Variants in ANKRD29 observed in about 807,000 individuals in gnomAD.
The protein encoded by ANKRD29 is ankyrin repeat domain-containing protein 29.
ANKRD29 carries 32 observed loss-of-function variants against 38.0 expected under a neutral mutation model. That is an observed-to-expected ratio of 0.84 (90% confidence interval 0.64 to 1.13). The LOEUF (loss-of-function observed/expected upper bound fraction) is 1.13. Ranked by LOEUF, ANKRD29 falls within the 50% of genes most tolerant of loss-of-function variation. The pLI is 0.00. For synonymous variants in ANKRD29, 135 were observed against 152.4 expected, an observed-to-expected ratio of 0.89 and a Z score of 0.84; for missense variants, 357 against 377.9, an observed-to-expected ratio of 0.94 and a Z score of 0.46.
At chr18:23,635,731 C>A (rs150663087) in intron 4 of ANKRD29, among the ~76,000 whole-genome samples, 1 of 152,280 alleles carries the variant, frequency 6.6e-6, no homozygotes, top group Non-Finnish European at 1.5e-5. Flanking sequence ...CAGAAATATG[C>A]CTTTTGACCA....
chr18:23,649,195 T>C lies in ANKRD29; in HGVS notation c.22-2A>G, dbSNP rs1258745327. 3.7e-6 allele frequency: 6 copies of C among 1,610,968 alleles called. No individual in the cohort carries two copies. The highest frequency in any genetic ancestry group is 5.1e-6 in the Non-Finnish European group (6 of 1,178,264). The stretch of plus-strand genomic sequence containing the variant: ...AGCATTGGCAAGTGGAGTTTCCTTC[T>C]GCAAGAACAAAATGAAACAGGATCT... On this transcript the variant is annotated splice_acceptor_variant, in intron 1 of 9. Coordinates refer to ENST00000592179, the MANE Select transcript of ANKRD29 (RefSeq NM_173505.4). LOFTEE classifies it high-confidence loss of function.
intron 8 of ANKRD29, among the ~76,000 whole-genome samples, chr18:23,612,915 T>C: frequency 6.6e-6 from 1 of 152,010 alleles, no homozygotes. Context: ...TAAGACATGG[T>C]TCTAGAGGGT....
intron 3 of ANKRD29, among the ~76,000 whole-genome samples, chr18:23,641,351 G>A (rs949573509): frequency 6.6e-6 from 1 of 152,232 alleles, no homozygotes; most frequent in Non-Finnish European, 1.5e-5. Context: ...CCACAGGCTT[G>A]GAAGTGCCTG....
intron 9 of ANKRD29, among the ~76,000 whole-genome samples, chr18:23,604,422 T>C (rs1297447601): frequency 6.6e-6 from 1 of 152,218 alleles, no homozygotes; most frequent in Non-Finnish European, 1.5e-5. Flanking sequence ...AGCCTGTTTT[T>C]ATTTTTTTCT....
At chr18:23,601,579 A>G (rs993755586) in intron 9 of ANKRD29, among the ~76,000 whole-genome samples, 19 of 152,324 alleles carry the variant, frequency 1.2e-4, no homozygotes, top group African/African-American at 4.3e-4. Flanking sequence ...CTAATTAATC[A>G]TTGTATCCTT....
intron 1 of ANKRD29, 129 bp from the exon 2 acceptor site, chr18:23,649,322 T>C: frequency 1.3e-6 from 1 of 756,044 alleles, no homozygotes; most frequent in South Asian, 1.7e-5. Flanking sequence ...AGATTGATCC[T>C]CCAGCAATAG....
chr18:23,623,996 AAAGT>A (rs1438549234), intron 6 of ANKRD29, among the ~76,000 whole-genome samples: 1 of 152,068 alleles, frequency 6.6e-6, no homozygotes, highest in Non-Finnish European at 1.5e-5. Context: ...AAAATGATGA[AAAGT>A]AAGTCAATTT....
At chr18:23,619,708 G>A in intron 6 of ANKRD29, 79 bp from the exon 7 acceptor site, 1 of 1,280,468 alleles carries the variant, frequency 7.8e-7, no homozygotes. Context: ...TAACACCAGG[G>A]GTCTGAAAGC....
chr18:23,615,992 T>G (rs536777371), intron 8 of ANKRD29, among the ~76,000 whole-genome samples: 1 of 150,122 alleles, frequency 6.7e-6, no homozygotes, highest in Non-Finnish European at 1.5e-5. Flanking sequence ...GTATGCATAC[T>G]CTACACATAC....
At chr18:23,615,087 T>C (rs1375367777) in intron 8 of ANKRD29, among the ~76,000 whole-genome samples, 2 of 152,190 alleles carry the variant, frequency 1.3e-5, no homozygotes, top group Non-Finnish European at 2.9e-5. Context: ...AAAGATACAA[T>C]CACAGCTCAC....
At chr18:23,643,891 C>G (rs146359032) in intron 3 of ANKRD29, among the ~76,000 whole-genome samples, 40 of 152,308 alleles carry the variant, frequency 2.6e-4, no homozygotes, top group African/African-American at 8.7e-4. Flanking sequence ...TGGATCAAGG[C>G]AGAAGTCTGC....
intron 9 of ANKRD29, among the ~76,000 whole-genome samples, chr18:23,608,584 C>T (rs377129285): frequency 6.6e-6 from 1 of 152,140 alleles, no homozygotes; most frequent in Non-Finnish European, 1.5e-5. Context: ...CCTGTGAAAC[C>T]GCCTTTGCAA....
chr18:23,646,245 T>C lies in ANKRD29; in HGVS notation c.175A>G (p.Ile59Val), dbSNP rs1175744546. The stretch of plus-strand genomic sequence containing the variant: ...AGAACCAGTTCCCTCACACAGTCTA[T>C]GTGGCCAGCGTAGGCAGCAACCATC... ...LLMVAAYAGH[I>V]DCVRELVLQG... Residue 59 changes from isoleucine (I) to valine (V), a missense_variant, in exon 3 of 10, where the codon ATA (isoleucine) becomes GTA (valine). Coordinates refer to ENST00000592179, the MANE Select transcript of ANKRD29 (RefSeq NM_173505.4). 6 of 1,614,014 alleles carry C rather than the reference T, an allele frequency of 3.7e-6. No homozygotes were observed. The highest frequency in any genetic ancestry group is 5.1e-6 in the Non-Finnish European group (6 of 1,180,022).
chr18:23,633,691 C>T (rs2059962745), intron 5 of ANKRD29, among the ~76,000 whole-genome samples: 1 of 152,082 alleles, frequency 6.6e-6, no homozygotes, highest in South Asian at 2.1e-4. Context: ...CTGCCTCAGC[C>T]TCCTGAGTAG....
intron 1 of ANKRD29, chr18:23,649,448 T>C: frequency 1.5e-6 from 1 of 679,602 alleles, no homozygotes; most frequent in Non-Finnish European, 2.7e-6. Flanking sequence ...TTCCCACTAA[T>C]GTTCTCACTT....
chr18:23,619,458 A>G (rs1461030908), intron 7 of ANKRD29, 73 bp downstream of exon 7: 31 of 1,392,446 alleles, frequency 2.2e-5, no homozygotes, highest in Non-Finnish European at 2.8e-5. Context: ...CTGCAGACTC[A>G]GTCAAGACCC....
chr18:23,617,751 G>A lies in ANKRD29; in HGVS notation c.704C>T (p.Pro235Leu), dbSNP rs1416891686. The A allele has an allele frequency of 9.3e-6, 15 of 1,613,652 alleles. No homozygotes were observed. Among genetic ancestry groups the A allele is most frequent in the Non-Finnish European group, 1.3e-5 (15 of 1,179,730 alleles). The change falls in exon 8 of 10, where the codon CCC becomes CTC. Residue 235 changes from proline to leucine, a missense_variant. Coordinates refer to ENST00000592179, the MANE Select transcript of ANKRD29 (RefSeq NM_173505.4). ...TCTTACCTTCAAAATACCAAGAGTGGGTGAGAATTTAAGCAACTCTTTTAT... is the reference window on the plus strand; with the variant it reads ...TCTTACCTTCAAAATACCAAGAGTGAGTGAGAATTTAAGCAACTCTTTTAT... ...DVIKELLKFS[P>L]TLGILKNGTS...
intron 9 of ANKRD29, among the ~76,000 whole-genome samples, chr18:23,604,782 G>A (rs2059555292): frequency 6.6e-6 from 1 of 152,076 alleles, no homozygotes; most frequent in Admixed American, 6.6e-5. Context: ...ACCTGCCTCA[G>A]CCTCCCAAAG....
At chr18:23,601,339 A>G in intron 9 of ANKRD29, 30 bp from the exon 10 acceptor site, 1 of 1,597,388 alleles carries the variant, frequency 6.3e-7, no homozygotes, top group Non-Finnish European at 8.6e-7. Flanking sequence ...GCATTAGTGA[A>G]TCCCCATAGC....
Sources: gnomAD v4.1 joint callset for allele counts (sites outside exome capture counted in the v4.1 genomes callset) on GRCh38, gnomAD v4.1.1 for gene constraint, MANE v1.5 for transcripts, NCBI Gene and HGNC (gene_info 2026-07-23, HGNC 2026-07-21) for gene names.